The following PRR14L variants were observed in gnomAD, a reference collection of about 807,000 sequenced individuals.
The protein encoded by PRR14L is protein PRR14L.
In PRR14L, 80 loss-of-function variants were observed where a neutral mutation model predicts 155.0. The observed-to-expected ratio is 0.52, with a 90% confidence interval of 0.43 to 0.62. PRR14L has a LOEUF of 0.62. Among genes scored for constraint, PRR14L ranks in the 20% least tolerant of loss-of-function variants. The pLI is 0.00. For synonymous variants in PRR14L, 883 were observed against 916.0 expected (o/e 0.96, Z 0.65); for missense variants, 2,469 against 2,548.0 (o/e 0.97, Z 0.67).
chr22:31,700,412 TAA>T (rs1377046042), intron 7 of PRR14L, among the ~76,000 whole-genome samples: 4 of 152,080 alleles, frequency 2.6e-5, no homozygotes, highest in Admixed American at 1.3e-4. Context: ...AAAAGAAACA[TAA>T]GACAAAAATA....
chr22:31,729,207 A>T (rs1556478788), intron 2 of PRR14L, among the ~76,000 whole-genome samples: 1 of 152,024 alleles, frequency 6.6e-6, no homozygotes, highest in Non-Finnish European at 1.5e-5. Context: ...ATTAGTTGCA[A>T]ATTTATTTAT....
chr22:31,708,779 C>T (rs893178357), intron 4 of PRR14L, among the ~76,000 whole-genome samples: 2 of 152,146 alleles, frequency 1.3e-5, no homozygotes, highest in African/African-American at 4.8e-5. Context: ...GCATGCACCA[C>T]TACATCTGGC....
chr22:31,716,784 G>A lies in PRR14L; in HGVS notation c.1055C>T (p.Pro352Leu). ...VSCFTSDLSG[P>L]ESRTISLENC... ...TTCTAAGGATATTGTTCTGGATTCT[G>A]GACCAGACAAGTCTGATGTGAAACA... Residue 352 changes from proline (P) to leucine (L), a missense_variant, in exon 4 of 9, where the codon CCA (proline) becomes CTA (leucine). Transcript: ENST00000327423. The A allele has an allele frequency of 6.4e-7, 1 of 1,551,778 alleles. No homozygotes were observed. The highest frequency in any genetic ancestry group is 8.7e-7 in the Non-Finnish European group (1 of 1,147,008).
chr22:31,688,642 ATATATT>A (rs1354734388), intron 7 of PRR14L, among the ~76,000 whole-genome samples: 3 of 152,024 alleles, frequency 2.0e-5, no homozygotes, highest in African/African-American at 7.2e-5. Context: ...ACTGGGAATG[ATATATT>A]TAGATTTATA....
intron 3 of PRR14L, among the ~76,000 whole-genome samples, chr22:31,718,269 G>GT (rs2074671210): frequency 8.1e-6 from 1 of 123,774 alleles, no homozygotes; most frequent in African/African-American, 3.1e-5. Flanking sequence ...TTTTGTTTTT[G>GT]TTTTGAGACA....
At chr22:31,725,101 A>G (rs942623227) in intron 3 of PRR14L, among the ~76,000 whole-genome samples, 1 of 152,134 alleles carries the variant, frequency 6.6e-6, no homozygotes, top group Non-Finnish European at 1.5e-5. Flanking sequence ...AACACACTCA[A>G]AAGAAAGGGA....
intron 1 of PRR14L, among the ~76,000 whole-genome samples, chr22:31,743,127 C>G (rs1455087805): frequency 2.0e-5 from 3 of 151,934 alleles, no homozygotes; most frequent in Non-Finnish European, 1.5e-5. Context: ...ACGGTGACAC[C>G]CCGTCTCTAC....
At chr22:31,745,358 C>G (rs1291944126) in intron 1 of PRR14L, among the ~76,000 whole-genome samples, 1 of 151,340 alleles carries the variant, frequency 6.6e-6, no homozygotes, top group Non-Finnish European at 1.5e-5. Flanking sequence ...GCCTGGGCGA[C>G]AGAGCGAGAC....
intron 7 of PRR14L, among the ~76,000 whole-genome samples, chr22:31,695,680 T>TGTCCGTCTGCAGCA (rs1308654620): frequency 6.6e-6 from 1 of 152,136 alleles, no homozygotes; most frequent in Non-Finnish European, 1.5e-5. Flanking sequence ...AGCCTTATCT[T>TGTCCGTCTGCAGCA]GTCTATGCTT....
In PRR14L at chr22:31,685,411, G is replaced by T; in HGVS notation, c.*116C>A. On this transcript the variant is annotated 3_prime_UTR_variant, in exon 9 of 9. Transcript: ENST00000327423. ...GGACTGTGCATTTTTGAGTGGTTTG[G>T]CGGTAGGGCAAAATTAGGCAACCTT... is the stretch of plus-strand genomic sequence containing the variant. 3 of 849,290 alleles carry T rather than the reference G, an allele frequency of 3.5e-6. No individual in the cohort carries two copies. The highest frequency in any genetic ancestry group is 3.5e-5 in the African/African-American group (2 of 57,928). 52.6% of individuals were successfully genotyped at this position (849,290 alleles called of 1,614,324 possible). A position where few individuals can be genotyped will look rare whatever the true frequency, so the allele number is the denominator to read the frequency against.
intron 7 of PRR14L, among the ~76,000 whole-genome samples, chr22:31,697,282 G>C (rs55728055): frequency 0.044 from 6,171 of 141,274 alleles, 111 homozygotes; most frequent in Non-Finnish European, 0.05. Context: ...AGCCTGGGTG[G>C]CACAGTGATA....
At chr22:31,746,945 C>T (rs1003347844) in intron 1 of PRR14L, among the ~76,000 whole-genome samples, 26 of 150,340 alleles carry the variant, frequency 1.7e-4, no homozygotes, top group African/African-American at 5.1e-4. Context: ...TACAGGTGCC[C>T]GCCACCACGC....
At chr22:31,702,824 T>G (rs2074569553) in intron 6 of PRR14L, among the ~76,000 whole-genome samples, 1 of 128,764 alleles carries the variant, frequency 7.8e-6, no homozygotes, top group Non-Finnish European at 1.7e-5. Context: ...CCTTTTATTT[T>G]TTTTTTAAGA....
In PRR14L at chr22:31,738,455, A is replaced by G. The variant is rs555343402; in HGVS notation, c.406T>C (p.Ser136Pro). The G allele has an allele frequency of 2.3e-5, 35 of 1,552,238 alleles. No individual in the cohort carries two copies. In the South Asian group the frequency reaches 2.5e-4, roughly 11 times the overall value. The change falls in exon 2 of 9, where the codon TCT becomes CCT. Residue 136 changes from serine to proline, a missense_variant. This residue lies in a region of PRR14L where 2,363 missense variants were observed against 2,371.6 expected (regional missense o/e 1.00). Coordinates refer to ENST00000327423, the MANE Select transcript of PRR14L (RefSeq NM_173566.3). ...GGQAGIIREP[S>P]EGAKEDPHQH... ...TGTGGATCTTCCTTTGCTCCCTCAG[A>G]GGGTTCTCTTATAATTCCTGCCTGG... is the stretch of plus-strand genomic sequence containing the variant.
At chr22:31,729,844 T>C (rs970471542) in intron 2 of PRR14L, among the ~76,000 whole-genome samples, 1 of 152,074 alleles carries the variant, frequency 6.6e-6, no homozygotes, top group Non-Finnish European at 1.5e-5. Context: ...TGGTGATGGT[T>C]ACACAACACT....
chr22:31,688,230 G>A lies in PRR14L; in HGVS notation c.6108-3C>T. 2 of 1,572,588 alleles carry A rather than the reference G, an allele frequency of 1.3e-6. No individual in the cohort carries two copies. Among genetic ancestry groups the A allele is most frequent in the Admixed American group, 2.0e-5 (1 of 50,980 alleles). ...AACTAAACTCCTTCTTCTTTAACCT[G>A]AAAAGAAATAAGGAAAAAAATTCTT... On this transcript the variant is annotated splice_region_variant and splice_polypyrimidine_tract_variant and intron_variant, in intron 7 of 8. Transcript: ENST00000327423.
intron 5 of PRR14L, among the ~76,000 whole-genome samples, chr22:31,704,199 T>C (rs1181494660): frequency 6.6e-6 from 1 of 152,218 alleles, no homozygotes; most frequent in Admixed American, 6.5e-5. Context: ...AGCCTGTATC[T>C]ACATATGTAA....
In PRR14L at chr22:31,713,596, A is replaced by G. The variant is rs1185822786; in HGVS notation, c.4243T>C (p.Ser1415Pro). The G allele has an allele frequency of 1.9e-6, 3 of 1,551,796 alleles. No individual in the cohort carries two copies. In the Admixed American group the frequency reaches 5.9e-5, roughly 30 times the overall value. ...AGACTAGATGATATGCACTGTTGCG[A>G]TATCGTATGTGCTTTTTGTTGACGT... ...YIRQQKAHTI[S>P]QQCISSSLLL... The change falls in exon 4 of 9, where the codon TCG becomes CCG. Residue 1415 changes from serine (S) to proline (P), a missense_variant. Ser to Pro is a moderately conservative substitution (Grantham distance 74). Transcript: ENST00000327423.
At position 31,716,754 on chromosome 22, in the gene PRR14L, C is replaced by T. The variant is rs908624829; in HGVS notation, c.1085G>A (p.Cys362Tyr). The change falls in exon 4 of 9, where the codon TGT becomes TAT. Residue 362 changes from cysteine to tyrosine, a missense_variant. Transcript: ENST00000327423. Reference protein sequence around the residue: ...PESRTISLENCGFEGGGLLKR... With the variant: ...PESRTISLENYGFEGGGLLKR... ...TAGCAAACCACCACCTTCAAAACCA[C>T]AGTTTTCTAAGGATATTGTTCTGGA... 1 of 1,551,824 alleles carries T rather than the reference C, an allele frequency of 6.4e-7. No individual in the cohort carries two copies. Among genetic ancestry groups the T allele is most frequent in the African/African-American group, 1.4e-5 (1 of 73,180 alleles).
Sources: gnomAD v4.1 joint callset for allele counts (sites outside exome capture counted in the v4.1 genomes callset) on GRCh38, gnomAD v4.1.1 for gene constraint, gnomAD v4.1.1 regional missense constraint, MANE v1.5 for transcripts, NCBI Gene and HGNC (gene_info 2026-07-23, HGNC 2026-07-21) for gene names.